The following PXYLP1 variants were observed in gnomAD, a reference collection of about 807,000 sequenced individuals.
PXYLP1 encodes the protein acid phosphatase-like 2.
In PXYLP1, 17 loss-of-function variants were observed where a neutral mutation model predicts 37.9. That is an observed-to-expected ratio of 0.45 (90% CI 0.31 to 0.67). The LOEUF is 0.67. Among genes scored for constraint, PXYLP1 ranks in the 30% least tolerant of loss-of-function variants. The pLI, the probability that PXYLP1 is intolerant of heterozygous loss-of-function variation, is 0.07. For missense variants in PXYLP1, 511 were observed against 612.0 expected (o/e 0.84, Z 1.74); for synonymous variants, 221 against 232.2 (o/e 0.95, Z 0.44).
At chr3:141,287,062 G>A (rs187089815) in intron 4 of PXYLP1, among the ~76,000 whole-genome samples, 18 of 152,216 alleles carry the variant, frequency 1.2e-4, no homozygotes, top group Admixed American at 3.3e-4. Flanking sequence ...AAGATAGACG[G>A]CGAAGCTGAA....
chr3:141,250,905 T>C (rs1465906233), intron 1 of PXYLP1, among the ~76,000 whole-genome samples: 1 of 152,198 alleles, frequency 6.6e-6, no homozygotes, highest in African/African-American at 2.4e-5. Context: ...TCTTTATAGA[T>C]ACATGAATTA....
chr3:141,232,754 T>A (rs1940557016), intron 1 of PXYLP1, among the ~76,000 whole-genome samples: 1 of 152,222 alleles, frequency 6.6e-6, no homozygotes, highest in Non-Finnish European at 1.5e-5. Context: ...AAATTGTACC[T>A]GTGGATGGTA....
intron 1 of PXYLP1, chr3:141,258,452 C>G (rs909506397): frequency 1.3e-5 from 2 of 154,240 alleles, no homozygotes; most frequent in African/African-American, 4.8e-5. Context: ...AGAAGAAGGG[C>G]CATTCCGCCA....
intron 5 of PXYLP1, among the ~76,000 whole-genome samples, chr3:141,288,588 G>T (rs1942128843): frequency 6.6e-6 from 1 of 152,156 alleles, no homozygotes; most frequent in Admixed American, 6.5e-5. Context: ...CTATCATGAA[G>T]TGAAATTTAA....
chr3:141,273,866 G>A (rs966803364), intron 2 of PXYLP1: 7 of 985,240 alleles, frequency 7.1e-6, no homozygotes, highest in South Asian at 4.7e-5. Flanking sequence ...AAGATATCTC[G>A]TATCCTGTTA....
At chr3:141,278,129 A>C (rs1941841442) in intron 2 of PXYLP1, among the ~76,000 whole-genome samples, 1 of 152,128 alleles carries the variant, frequency 6.6e-6, no homozygotes, top group South Asian at 2.1e-4. Context: ...AATAGATGAT[A>C]AGGAGAGGGT....
At chr3:141,254,343 C>T (rs1176918175) in intron 1 of PXYLP1, among the ~76,000 whole-genome samples, 1 of 152,192 alleles carries the variant, frequency 6.6e-6, no homozygotes. Context: ...GTTCTTACCA[C>T]TTAGAATAGT....
Position 141,287,326 on chromosome 3 carries a change from C to T in PXYLP1, c.378C>T (p.His126=). The change falls in exon 5 of 6, where the codon CAC becomes CAT. Residue 126 remains histidine, a synonymous_variant. Coordinates refer to ENST00000286353, the MANE Select transcript of PXYLP1 (RefSeq NM_001037172.3). ...CTLVANRKPY[H]PKLEAFISHM... ...ATCATCTCTCTAGGAAACCGTATCA[C>T]CCAAAACTGGAAGCTTTCATTAGTC... is the stretch of plus-strand genomic sequence containing the variant. The T allele has an allele frequency of 6.2e-7, 1 of 1,614,132 alleles. No homozygotes were observed. The highest frequency in any genetic ancestry group is 1.1e-5 in the South Asian group (1 of 91,078).
intron 1 of PXYLP1, among the ~76,000 whole-genome samples, chr3:141,256,556 A>G (rs1015018347): frequency 6.6e-6 from 1 of 152,206 alleles, no homozygotes; most frequent in African/African-American, 2.4e-5. Flanking sequence ...GTGTGCGCAC[A>G]CACACACACC....
At chr3:141,272,939 C>T in intron 2 of PXYLP1, 1 of 963,676 alleles carries the variant, frequency 1.0e-6, no homozygotes, top group Non-Finnish European at 1.2e-6. Context: ...ACTTTGTGTT[C>T]TTCAACCCAA....
intron 2 of PXYLP1, among the ~76,000 whole-genome samples, chr3:141,271,331 G>A (rs1941658085): frequency 6.6e-6 from 1 of 152,162 alleles, no homozygotes; most frequent in Non-Finnish European, 1.5e-5. Context: ...AACCATGGTA[G>A]CAGGGGCAAC....
Position 141,292,476 on chromosome 3 carries a change from G to A in PXYLP1, c.714G>A (p.Ala238=), listed in dbSNP as rs374753473. The A allele has an allele frequency of 1.2e-5, 20 of 1,614,080 alleles. No individual in the cohort carries two copies. Among genetic ancestry groups the A allele is most frequent in the South Asian group, 3.3e-5 (3 of 91,084 alleles). Residue 238 remains alanine, a synonymous_variant, in exon 6 of 6, where the codon GCG becomes GCA. Transcript: ENST00000286353. The surrounding 1 kb of genome is among the most constrained non-coding windows in gnomAD (Gnocchi z 4.3). ...TTTATTTCAGGCACCAGCCAAGTGC[G>A]CTGTTCTGCTCTGGAAGCTGCTATT... is the stretch of plus-strand genomic sequence containing the variant. ...KKIYFRHQPS[A]LFCSGSCYCP...
rs116806390 is a variant in PXYLP1 at position 141,278,403 on chromosome 3, C to T, written c.141C>T (p.Ile47=). ...NGMSSKSRKR[I]MPDPVTEPPV... ...TGAGTAGCAAGAGTCGAAAGAGAAT[C>T]ATGCCCGACCCTGTGACGGAGCCCC... Residue 47 remains isoleucine, a synonymous_variant, in exon 3 of 6, where the codon ATC becomes ATT. Coordinates refer to ENST00000286353, the MANE Select transcript of PXYLP1 (RefSeq NM_001037172.3). 2.8e-4 allele frequency: 452 copies of T among 1,614,236 alleles called. 1 individual carries two copies. In the African/African-American group the frequency reaches 5.6e-3, roughly 20 times the overall value.
At chr3:141,286,466 G>C (rs184088825) in intron 4 of PXYLP1, among the ~76,000 whole-genome samples, 1 of 152,258 alleles carries the variant, frequency 6.6e-6, no homozygotes, top group East Asian at 1.9e-4. Flanking sequence ...GAAAAATTAA[G>C]GATTATGGGT....
At chr3:141,291,661 T>A (rs1347636799) in intron 5 of PXYLP1, 1 of 153,170 alleles carries the variant, frequency 6.5e-6, no homozygotes, top group Non-Finnish European at 1.5e-5. Context: ...GATTGTTCCA[T>A]ATCATACAGA....
At chr3:141,274,114 A>G in intron 2 of PXYLP1, 1 of 995,388 alleles carries the variant, frequency 1.0e-6, no homozygotes, top group South Asian at 4.5e-5. Flanking sequence ...GGCCTGGGCA[A>G]AGCCTGCTGG....
At chr3:141,241,104 G>A (rs1435659386) in intron 1 of PXYLP1, among the ~76,000 whole-genome samples, 2 of 152,136 alleles carry the variant, frequency 1.3e-5, no homozygotes, top group Non-Finnish European at 2.9e-5. Flanking sequence ...GGGGAGGAGA[G>A]GACACAACAA....
At position 141,293,203 on chromosome 3, in the gene PXYLP1, TAA is replaced by T. The variant is rs1942274690; in HGVS notation, c.*1_*2del. ...TGATGCATGTCACAGGGAAGGATTC[TAA>T]AAGGTATGCAGTACAGCAGTATAGA... ...YYDACHREGF[*>X] On this transcript the variant is annotated frameshift_variant and stop_lost, in exon 6 of 6. Coordinates refer to ENST00000286353, the MANE Select transcript of PXYLP1 (RefSeq NM_001037172.3). LOFTEE classifies it high-confidence loss of function. The T allele has an allele frequency of 3.1e-6, 5 of 1,612,070 alleles. No individual in the cohort carries two copies. The South Asian group carries it at 3.3e-5, about 11-fold the overall frequency.
chr3:141,279,882 C>T (rs1941906187), intron 4 of PXYLP1, among the ~76,000 whole-genome samples: 1 of 152,226 alleles, frequency 6.6e-6, no homozygotes, highest in Non-Finnish European at 1.5e-5. Context: ...CAGCCTCCTA[C>T]CTCTGAAACG....
Sources: allele counts gnomAD v4.1 joint callset (sites outside exome capture counted in the v4.1 genomes callset), GRCh38; gene constraint gnomAD v4.1.1; non-coding constraint Gnocchi (gnomAD v3.1); transcripts MANE v1.5; gene names NCBI Gene and HGNC (gene_info 2026-07-23, HGNC 2026-07-21).